Variants in STAG1 observed in about 807,000 individuals in gnomAD.
STAG1 encodes cohesin subunit SA-1.
In STAG1, 26 loss-of-function variants were observed where a neutral mutation model predicts 170.9. The observed-to-expected ratio is 0.15, with a 90% CI of 0.11 to 0.21. STAG1 has a LOEUF of 0.21. STAG1 is among the 10% of genes least tolerant of loss of function. The pLI, the probability that STAG1 is intolerant of heterozygous loss-of-function variation, is 1.00. For synonymous variants in STAG1, 514 were observed against 497.7 expected, an observed-to-expected ratio of 1.03 and a Z score of -0.44; for missense variants, 964 against 1,509.5, an observed-to-expected ratio of 0.64 and a Z score of 5.99.
At chr3:136,585,291 A>C (rs1317247444) in intron 4 of STAG1, among the ~76,000 whole-genome samples, 1 of 152,108 alleles carries the variant, frequency 6.6e-6, no homozygotes, top group Non-Finnish European at 1.5e-5. Context: ...AAATTACAAA[A>C]ATTAGCCAGG....
At chr3:136,484,931 C>A (rs1354867499) in intron 9 of STAG1, among the ~76,000 whole-genome samples, 1 of 152,066 alleles carries the variant, frequency 6.6e-6, no homozygotes, top group African/African-American at 2.4e-5. Context: ...CGCCCTGCTT[C>A]GGCTCGCGCA....
At chr3:136,707,981 A>T (rs1044123203) in intron 1 of STAG1, among the ~76,000 whole-genome samples, 9 of 152,170 alleles carry the variant, frequency 5.9e-5, no homozygotes, top group East Asian at 1.9e-4. Flanking sequence ...TATTTTTTTA[A>T]AAAAAAGGAA....
chr3:136,348,753 C>A (rs1020244280), intron 29 of STAG1: 1 of 189,796 alleles, frequency 5.3e-6, no homozygotes, highest in South Asian at 9.8e-5. Context: ...AACTGGAAAA[C>A]AACTATTCTG....
chr3:136,476,625 C>T (rs1361186208), intron 10 of STAG1, among the ~76,000 whole-genome samples: 1 of 152,134 alleles, frequency 6.6e-6, no homozygotes, highest in Non-Finnish European at 1.5e-5. Context: ...AAAAATACTT[C>T]AGAAAACTGT....
chr3:136,405,747 T>TGCC (rs1175425408), intron 21 of STAG1, among the ~76,000 whole-genome samples: 1 of 130,772 alleles, frequency 7.6e-6, no homozygotes, highest in African/African-American at 3.1e-5. Flanking sequence ...TCCCAGATTG[T>TGCC]GCCACTGCGC....
chr3:136,410,731 T>C (rs975411818), intron 21 of STAG1, among the ~76,000 whole-genome samples: 9 of 152,294 alleles, frequency 5.9e-5, no homozygotes, highest in Middle Eastern at 3.4e-3. Flanking sequence ...CTCAGCACTT[T>C]GGGAGGCCAA....
chr3:136,477,708 A>G (rs1347323318), intron 9 of STAG1, among the ~76,000 whole-genome samples: 1 of 152,246 alleles, frequency 6.6e-6, no homozygotes, highest in Non-Finnish European at 1.5e-5. Context: ...TACAGAGCCA[A>G]GAAACATGTT....
chr3:136,712,717 T>C (rs563383349), intron 1 of STAG1, among the ~76,000 whole-genome samples: 82 of 152,346 alleles, frequency 5.4e-4, no homozygotes, highest in Non-Finnish European at 3.2e-4. Context: ...TGGCCTTTTC[T>C]ACTAACAACA....
chr3:136,515,603 T>C (rs1175261398), intron 7 of STAG1, among the ~76,000 whole-genome samples: 1 of 152,190 alleles, frequency 6.6e-6, no homozygotes, highest in East Asian at 1.9e-4. Context: ...AGATATGTAA[T>C]GCTTATAAAG....
intron 9 of STAG1, among the ~76,000 whole-genome samples, chr3:136,478,522 A>C (rs2089821991): frequency 6.6e-6 from 1 of 152,228 alleles, no homozygotes; most frequent in Non-Finnish European, 1.5e-5. Context: ...TTTCTGATTT[A>C]CCATTCACAA....
intron 4 of STAG1, among the ~76,000 whole-genome samples, chr3:136,581,964 CT>C (rs1208845653): frequency 6.6e-6 from 1 of 152,054 alleles, no homozygotes; most frequent in African/African-American, 2.4e-5. Flanking sequence ...TCTTCTCTTC[CT>C]TTTAAAGTTT....
intron 1 of STAG1, among the ~76,000 whole-genome samples, chr3:136,730,510 C>T (rs1933951552): frequency 6.6e-6 from 1 of 152,154 alleles, no homozygotes; most frequent in East Asian, 1.9e-4. Flanking sequence ...CATAAAACTG[C>T]TGTGTTGTTT....
chr3:136,639,447 A>G (rs994106743), intron 1 of STAG1, among the ~76,000 whole-genome samples: 6 of 152,362 alleles, frequency 3.9e-5, no homozygotes, highest in Middle Eastern at 3.4e-3. Context: ...ACATGCTTTT[A>G]AATATTTTAC....
intron 15 of STAG1, among the ~76,000 whole-genome samples, chr3:136,440,631 A>G (rs2088601768): frequency 6.6e-6 from 1 of 152,130 alleles, no homozygotes; most frequent in Admixed American, 6.6e-5. Flanking sequence ...TCAAGTGTTG[A>G]TAAGGCAGTA....
chr3:136,693,490 G>A (rs1161769814), intron 1 of STAG1, among the ~76,000 whole-genome samples: 1 of 152,230 alleles, frequency 6.6e-6, no homozygotes, highest in East Asian at 1.9e-4. Context: ...GATAGCTTAA[G>A]TTTATGGCAA....
At chr3:136,412,334 A>T (rs549074416) in intron 21 of STAG1, among the ~76,000 whole-genome samples, 2 of 152,236 alleles carry the variant, frequency 1.3e-5, no homozygotes, top group Non-Finnish European at 2.9e-5. Context: ...TCATCATTTT[A>T]GTCACTACTC....
intron 11 of STAG1, among the ~76,000 whole-genome samples, chr3:136,473,081 C>G (rs997516777): frequency 2.0e-5 from 3 of 152,120 alleles, no homozygotes; most frequent in Non-Finnish European, 4.4e-5. Flanking sequence ...TCAATAGGAA[C>G]AACAGGAACA....
intron 1 of STAG1, among the ~76,000 whole-genome samples, chr3:136,665,222 T>G (rs987517284): frequency 6.6e-6 from 1 of 152,158 alleles, no homozygotes; most frequent in African/African-American, 2.4e-5. Flanking sequence ...CTGAAAAGCT[T>G]GAGATGAGAT....
chr3:136,597,977 T>C (rs894668175), intron 4 of STAG1, among the ~76,000 whole-genome samples: 1 of 152,194 alleles, frequency 6.6e-6, no homozygotes, highest in Admixed American at 6.5e-5. Flanking sequence ...CAAAAGTTTC[T>C]GTTTATAAAA....
Sources: allele counts gnomAD v4.1 joint callset (sites outside exome capture counted in the v4.1 genomes callset), GRCh38; gene constraint gnomAD v4.1.1; transcripts MANE v1.5; gene names NCBI Gene and HGNC (gene_info 2026-07-23, HGNC 2026-07-21).